CTNNA3: variants seen among roughly 807,000 people sequenced by gnomAD.
The protein encoded by CTNNA3 is catenin alpha-3.
A neutral mutation model predicts 95.7 loss-of-function variants in CTNNA3; 76 were observed. That is an observed-to-expected ratio of 0.79 (90% CI 0.66 to 0.96). The LOEUF (loss-of-function observed/expected upper bound fraction) is 0.96, where lower values mean the gene tolerates loss of function less well. Ranked by LOEUF, CTNNA3 falls within the 40% of genes least tolerant of loss-of-function variation. The pLI is 0.00. For synonymous variants in CTNNA3, 431 were observed against 374.4 expected (o/e 1.15, Z -1.74); for missense variants, 1,191 against 1,089.8 (o/e 1.09, Z -1.31).
At chr10:66,688,489 A>C (rs1423501155) in intron 9 of CTNNA3, among the ~76,000 whole-genome samples, 2 of 152,072 alleles carry the variant, frequency 1.3e-5, no homozygotes, top group African/African-American at 4.8e-5. Flanking sequence ...CCTTCTCCTC[A>C]GTTAGGTCAA....
intron 13 of CTNNA3, among the ~76,000 whole-genome samples, chr10:66,230,259 C>T (rs1458408356): frequency 1.3e-5 from 2 of 152,074 alleles, no homozygotes; most frequent in East Asian, 1.9e-4. Flanking sequence ...TGTTTCTTTG[C>T]TCTTTCATGT....
intron 15 of CTNNA3, among the ~76,000 whole-genome samples, chr10:66,054,292 G>A (rs2080027853): frequency 6.6e-6 from 1 of 152,130 alleles, no homozygotes; most frequent in Non-Finnish European, 1.5e-5. Flanking sequence ...TAGATTTTGA[G>A]TAACCTCTAT....
chr10:65,974,045 A>G (rs569226803), intron 16 of CTNNA3, among the ~76,000 whole-genome samples: 2 of 152,316 alleles, frequency 1.3e-5, no homozygotes, highest in East Asian at 3.9e-4. Context: ...ATAAGATACT[A>G]TCTCACACCA....
intron 9 of CTNNA3, among the ~76,000 whole-genome samples, chr10:66,645,023 T>C (rs1046389624): frequency 1.3e-5 from 2 of 152,224 alleles, no homozygotes; most frequent in Non-Finnish European, 2.9e-5. Context: ...TGTAATCTTT[T>C]GGGATTTTTT....
intron 3 of CTNNA3, among the ~76,000 whole-genome samples, chr10:67,577,439 T>C (rs1218485900): frequency 6.6e-6 from 1 of 152,156 alleles, no homozygotes; most frequent in Non-Finnish European, 1.5e-5. Flanking sequence ...TTTTGTCAGA[T>C]GAGTAGGTTG....
intron 7 of CTNNA3, among the ~76,000 whole-genome samples, chr10:67,018,219 T>A (rs1274421691): frequency 6.6e-6 from 1 of 152,220 alleles, no homozygotes; most frequent in Admixed American, 6.5e-5. Context: ...CCACTTTCAT[T>A]TATTTTTACT....
intron 7 of CTNNA3, among the ~76,000 whole-genome samples, chr10:67,107,129 G>A (rs1023758911): frequency 6.6e-6 from 1 of 152,168 alleles, no homozygotes; most frequent in African/African-American, 2.4e-5. Context: ...GCAGTGAAGG[G>A]AGAATATTAT....
intron 11 of CTNNA3, among the ~76,000 whole-genome samples, chr10:66,410,010 C>T (rs1314010420): frequency 6.6e-6 from 1 of 152,214 alleles, no homozygotes; most frequent in Non-Finnish European, 1.5e-5. Flanking sequence ...GCCTGGCTTG[C>T]TCCACTGTTA....
At chr10:66,689,310 G>T (rs1847426928) in intron 9 of CTNNA3, among the ~76,000 whole-genome samples, 1 of 152,118 alleles carries the variant, frequency 6.6e-6, no homozygotes, top group Admixed American at 6.6e-5. Context: ...AAATGGCCTA[G>T]GTCCTTTTAA....
intron 10 of CTNNA3, among the ~76,000 whole-genome samples, chr10:66,605,427 A>C (rs1179367576): frequency 6.6e-6 from 1 of 152,180 alleles, no homozygotes; most frequent in Admixed American, 6.5e-5. Context: ...CTAGCTAGAG[A>C]GGCCAACATT....
chr10:67,133,328 T>TACAC lies in CTNNA3; in HGVS notation c.1047+46985_1047+46988dup, dbSNP rs1554928688. 7.2e-4 allele frequency among the ~76,000 whole-genome samples: 76 copies of TACAC among 105,354 alleles called. 4 individuals are homozygous for TACAC. The highest frequency in any genetic ancestry group is 3.9e-3 in the East Asian group (15 of 3,798). 69.1% of individuals were successfully genotyped at this position (105,354 alleles called of 152,430 possible). A position where few individuals can be genotyped will look rare whatever the true frequency, so the allele number is the denominator to read the frequency against. On this transcript the variant is annotated intron_variant, in intron 7 of 17. Transcript: ENST00000433211. ...CCTGATATATATATATATATATTTA[T>TACAC]ACACACACACACACAATGGTAGATA... is the stretch of plus-strand genomic sequence containing the variant.
chr10:66,615,285 C>T (rs1252947264), intron 10 of CTNNA3, among the ~76,000 whole-genome samples: 1 of 151,948 alleles, frequency 6.6e-6, no homozygotes, highest in Admixed American at 6.6e-5. Flanking sequence ...GAAGGAGGCA[C>T]GTATCACACG....
intron 13 of CTNNA3, among the ~76,000 whole-genome samples, chr10:66,266,791 A>C (rs939627285): frequency 1.3e-5 from 2 of 152,098 alleles, no homozygotes; most frequent in African/African-American, 4.8e-5. Flanking sequence ...ATTTTTTTCT[A>C]TTATTATTGT....
At chr10:67,661,101 C>A (rs1037335455) in intron 1 of CTNNA3, among the ~76,000 whole-genome samples, 1 of 151,912 alleles carries the variant, frequency 6.6e-6, no homozygotes, top group African/African-American at 2.4e-5. Flanking sequence ...CTATGGAGGG[C>A]AAATATGCAA....
chr10:67,177,400 T>A (rs1480339515), intron 7 of CTNNA3, among the ~76,000 whole-genome samples: 1 of 152,180 alleles, frequency 6.6e-6, no homozygotes, highest in Non-Finnish European at 1.5e-5. Context: ...GCAACAGATT[T>A]GCAAAATTTA....
At position 67,304,282 on chromosome 10, in the gene CTNNA3, A is replaced by C. The variant is rs76788788; in HGVS notation, c.580-84412T>G. On this transcript the variant is annotated intron_variant, in intron 5 of 17. Coordinates refer to ENST00000433211, the MANE Select transcript of CTNNA3 (RefSeq NM_013266.4). The stretch of plus-strand genomic sequence containing the variant: ...AGTCTCAGCCATCCTTGTCAAACCC[A>C]TCTCTCCATAGGCACTTCACTATAT... 6.3e-3 allele frequency among the ~76,000 whole-genome samples: 953 copies of C among 152,290 alleles called. 35 individuals carry two copies. In the East Asian group the frequency reaches 0.11, roughly 17 times the overall value.
chr10:67,449,607 A>G (rs1846891324), intron 5 of CTNNA3, among the ~76,000 whole-genome samples: 1 of 152,220 alleles, frequency 6.6e-6, no homozygotes. Context: ...GTCTAGCCAT[A>G]TGCTAAAGAT....
intron 5 of CTNNA3, among the ~76,000 whole-genome samples, chr10:67,476,689 G>C (rs776579020): frequency 4.6e-5 from 7 of 151,380 alleles, no homozygotes; most frequent in Non-Finnish European, 8.8e-5. Context: ...GGTGTTTGGA[G>C]AACCCACTCA....
chr10:67,672,032 A>C (rs1041322491), intron 1 of CTNNA3, among the ~76,000 whole-genome samples: 18 of 152,148 alleles, frequency 1.2e-4, no homozygotes, highest in African/African-American at 4.3e-4. Flanking sequence ...TTGTTTCCTG[A>C]CTTTTTGATG....
Sources: gnomAD v4.1 joint callset for allele counts (sites outside exome capture counted in the v4.1 genomes callset) on GRCh38, gnomAD v4.1.1 for gene constraint, MANE v1.5 for transcripts, NCBI Gene and HGNC (gene_info 2026-07-23, HGNC 2026-07-21) for gene names.